FBXW8: variants seen among roughly 807,000 people sequenced by gnomAD.
FBXW8 encodes F-box/WD repeat-containing protein 8.
A neutral mutation model predicts 65.3 loss-of-function variants in FBXW8; 57 were observed. That is an observed-to-expected ratio of 0.87 (90% CI 0.71 to 1.09). FBXW8 has a LOEUF of 1.09. Ranked by LOEUF, FBXW8 falls within the 50% of genes least tolerant of loss-of-function variation. The pLI is 0.00. For missense variants in FBXW8, 777 were observed against 814.8 expected (o/e 0.95, Z 0.57); for synonymous variants, 308 against 330.2 (o/e 0.93, Z 0.73).
chr12:117,028,219 T>A lies in FBXW8; in HGVS notation c.*47T>A. ...AAGGAGAAAAATGGGAAGAACCAGTTTTATCCATCTTAAAACGCCAGGCAC... is the reference window on the plus strand; with the variant it reads ...AAGGAGAAAAATGGGAAGAACCAGTATTATCCATCTTAAAACGCCAGGCAC... On this transcript the variant is annotated 3_prime_UTR_variant, in exon 11 of 11. Transcript: ENST00000652555. The surrounding 1 kb of genome is among the most constrained non-coding windows in gnomAD (Gnocchi z 4.1). 1 of 1,605,178 alleles carries A rather than the reference T, an allele frequency of 6.2e-7. No homozygotes were observed. The highest frequency in any genetic ancestry group is 8.5e-7 in the Non-Finnish European group (1 of 1,174,772).
chr12:116,956,446 C>T (rs1883655179), intron 4 of FBXW8, among the ~76,000 whole-genome samples: 1 of 152,192 alleles, frequency 6.6e-6, no homozygotes, highest in Non-Finnish European at 1.5e-5. Context: ...GCTTCAGCTG[C>T]CAGACATGGC....
intron 8 of FBXW8, among the ~76,000 whole-genome samples, chr12:117,018,514 G>C (rs1241244340): frequency 1.3e-5 from 2 of 152,258 alleles, no homozygotes; most frequent in Non-Finnish European, 2.9e-5. Flanking sequence ...CGCGCTGTCA[G>C]ATGTCCGAGG....
At chr12:117,012,190 C>CTCATT (rs3070246) in intron 8 of FBXW8, among the ~76,000 whole-genome samples, 31,947 of 152,090 alleles carry the variant, frequency 0.21, 4,205 homozygotes, top group African/African-American at 0.38. Context: ...TACGCACTGC[C>CTCATT]AGGGAGGTGT....
chr12:116,910,987 C>T lies in FBXW8; in HGVS notation c.-51C>T, dbSNP rs1271758567. 2 of 1,341,588 alleles carry T rather than the reference C, an allele frequency of 1.5e-6. No homozygotes were observed. The highest frequency in any genetic ancestry group is 1.9e-6 in the Non-Finnish European group (2 of 1,050,622). The allele number at this position is 1,341,588 out of a possible 1,614,324, so 83.1% of individuals were successfully genotyped here. ...GACACTTCCCTGGGCGGGACTGTCT[C>T]GTGGCACCCGGTGGAACCGAGGAGA... On this transcript the variant is annotated 5_prime_UTR_variant, in exon 1 of 11. Transcript: ENST00000652555.
intron 4 of FBXW8, among the ~76,000 whole-genome samples, chr12:116,963,289 G>A (rs1177318940): frequency 6.6e-6 from 1 of 152,162 alleles, no homozygotes; most frequent in Non-Finnish European, 1.5e-5. Context: ...AAGCACTCCT[G>A]AATCAGAGTA....
chr12:116,999,181 C>A (rs1172211204), intron 7 of FBXW8, among the ~76,000 whole-genome samples: 1 of 152,210 alleles, frequency 6.6e-6, no homozygotes, highest in Non-Finnish European at 1.5e-5. Flanking sequence ...GCTCAGCCCA[C>A]ATCTGAGCGG....
chr12:117,018,039 C>T (rs1244198574), intron 8 of FBXW8, among the ~76,000 whole-genome samples: 1 of 152,148 alleles, frequency 6.6e-6, no homozygotes, highest in Non-Finnish European at 1.5e-5. Context: ...TTATTCAGAG[C>T]TCTTAACACA....
intron 1 of FBXW8, among the ~76,000 whole-genome samples, chr12:116,918,685 A>G (rs1880630233): frequency 6.6e-6 from 1 of 152,222 alleles, no homozygotes; most frequent in Admixed American, 6.5e-5. Context: ...ACTGATTCAA[A>G]TTGTTCAGAC....
chr12:116,981,700 G>A (rs1885316857), intron 5 of FBXW8, among the ~76,000 whole-genome samples: 1 of 151,440 alleles, frequency 6.6e-6, no homozygotes, highest in East Asian at 1.9e-4. Flanking sequence ...TGCAACCTCC[G>A]CCTCCCAGGT....
Position 116,911,149 on chromosome 12 carries a change from C to A in FBXW8, c.112C>A (p.Arg38=), listed in dbSNP as rs944257565. The stretch of plus-strand genomic sequence containing the variant: ...CGAGGCTGCCGAGAGGCGGGCTCGG[C>A]GGCCGGAGGTGGGCTCCGGGCGCGG... The part of the protein sequence containing the change: ...RPEAAERRAR[R]PEVGSGRGEQ... The change falls in exon 1 of 11, where the codon CGG becomes AGG. Residue 38 remains arginine (R), a synonymous_variant. Transcript: ENST00000652555. 3.7e-6 allele frequency: 5 copies of A among 1,345,984 alleles called. No homozygotes were observed. The highest frequency in any genetic ancestry group is 3.8e-5 in the South Asian group (2 of 52,446). 83.4% of individuals were successfully genotyped at this position (1,345,984 alleles called of 1,614,324 possible).
chr12:116,965,182 G>A (rs1952462107), intron 5 of FBXW8, among the ~76,000 whole-genome samples: 1 of 152,158 alleles, frequency 6.6e-6, no homozygotes, highest in Non-Finnish European at 1.5e-5. Flanking sequence ...AATATACTTG[G>A]CCTACTTTTC....
chr12:116,961,770 C>A lies in FBXW8; in HGVS notation c.678-2927C>A, dbSNP rs1407607246. Among the ~76,000 whole-genome samples, 3 of 152,044 alleles carry A rather than the reference C, an allele frequency of 2.0e-5. No homozygotes were observed. Among genetic ancestry groups the A allele is most frequent in the Non-Finnish European group, 4.4e-5 (3 of 68,034 alleles). On this transcript the variant is annotated intron_variant, in intron 4 of 10. Coordinates refer to ENST00000652555, the MANE Select transcript of FBXW8 (RefSeq NM_153348.3). This position sits in a 1 kb window ranked among gnomAD's most constrained non-coding sequence, Gnocchi z 4.4. Reference sequence around the variant, plus strand: ...CGTCCAGGCTGCCGTGAAGGTAGATCGTAGTGCGGTGTAGTGTGGCATGTG... The same window carrying A: ...CGTCCAGGCTGCCGTGAAGGTAGATAGTAGTGCGGTGTAGTGTGGCATGTG...
chr12:116,996,578 T>C (rs377042793), intron 7 of FBXW8, among the ~76,000 whole-genome samples: 88 of 152,286 alleles, frequency 5.8e-4, no homozygotes, highest in African/African-American at 2.1e-3. Context: ...TTGTGAACTT[T>C]CCATTTAAAA....
chr12:116,944,485 C>T (rs2393111), intron 2 of FBXW8, among the ~76,000 whole-genome samples: 105,168 of 152,050 alleles, frequency 0.69, 40,482 homozygotes, highest in Non-Finnish European at 0.85. Flanking sequence ...GTAACCTACC[C>T]GCTACCACTC....
At chr12:116,917,678 G>A (rs1257489085) in intron 1 of FBXW8, among the ~76,000 whole-genome samples, 1 of 152,168 alleles carries the variant, frequency 6.6e-6, no homozygotes, top group Non-Finnish European at 1.5e-5. Context: ...AACCTCTGAT[G>A]GGCAAGCAAA....
intron 1 of FBXW8, among the ~76,000 whole-genome samples, chr12:116,914,673 C>T (rs746328243): frequency 6.6e-6 from 1 of 150,684 alleles, no homozygotes; most frequent in Non-Finnish European, 1.5e-5. Context: ...GTCAGGAGTT[C>T]GAGACCAGCC....
At chr12:116,956,587 G>A (rs1269616602) in intron 4 of FBXW8, among the ~76,000 whole-genome samples, 1 of 152,322 alleles carries the variant, frequency 6.6e-6, no homozygotes, top group East Asian at 1.9e-4. Flanking sequence ...AAAAATTGGT[G>A]TCTGAATCTT....
chr12:116,997,763 G>C, intron 7 of FBXW8, among the ~76,000 whole-genome samples: 1 of 152,222 alleles, frequency 6.6e-6, no homozygotes, highest in East Asian at 1.9e-4. Context: ...TGTAGGTATA[G>C]CGGCCCATGC....
chr12:116,973,286 G>C (rs1379634942), intron 5 of FBXW8, among the ~76,000 whole-genome samples: 1 of 152,144 alleles, frequency 6.6e-6, no homozygotes, highest in African/African-American at 2.4e-5. Context: ...AACCATCACA[G>C]TAATAATTGA....
Sources: gnomAD v4.1 joint callset for allele counts (sites outside exome capture counted in the v4.1 genomes callset) on GRCh38, gnomAD v4.1.1 for gene constraint, Gnocchi (gnomAD v3.1) non-coding constraint, MANE v1.5 for transcripts, NCBI Gene and HGNC (gene_info 2026-07-23, HGNC 2026-07-21) for gene names.